The following MAIP1 variants were observed in gnomAD, a reference collection of about 807,000 sequenced individuals.
The protein encoded by MAIP1 is m-AAA protease-interacting protein 1, mitochondrial.
A neutral mutation model predicts 31.2 loss-of-function variants in MAIP1; 28 were observed. The observed-to-expected ratio is 0.90, with a 90% CI of 0.67 to 1.23. The LOEUF is 1.23. Ranked by LOEUF, MAIP1 falls within the 50% of genes most tolerant of loss-of-function variation. The pLI is 0.00. For synonymous variants in MAIP1, 142 were observed against 142.3 expected (o/e 1.00, Z 0.02); for missense variants, 339 against 356.0 (o/e 0.95, Z 0.38).
Position 199,955,684 on chromosome 2 carries a change from G to A in MAIP1, c.-115G>A. The A allele has an allele frequency of 1.7e-6, 2 of 1,177,944 alleles. No individual in the cohort carries two copies. Among genetic ancestry groups the A allele is most frequent in the Non-Finnish European group, 2.3e-6 (2 of 852,630 alleles). 73.0% of individuals were successfully genotyped at this position (1,177,944 alleles called of 1,614,324 possible). ...GGACGGGGCCGACTCACCAGAGGCT[G>A]CAGCAACAGGTCCACTTTGCTCTCC... On this transcript the variant is annotated 5_prime_UTR_variant, in exon 1 of 5. Transcript: ENST00000392290.
rs775450822 is a variant in MAIP1 at position 199,956,234 on chromosome 2, G to T, written c.436G>T (p.Glu146Ter). 3 of 1,611,850 alleles carry T rather than the reference G, an allele frequency of 1.9e-6. No individual in the cohort carries two copies. The South Asian group carries it at 3.3e-5, about 18-fold the overall frequency. ...AGAGTTCAGCATCACAGAGTTCTCC[G>T]AGGGAGCGAAGCAGGTTTGTTTATT... ...DKEFSITEFSEGAKQAFAHVS... is the reference protein window; with the variant it reads ...DKEFSITEFS The change falls in exon 1 of 5, where the codon GAG (glutamate) becomes TAG (stop). Residue 146 changes from glutamate to a stop codon, truncating the protein, a stop_gained. Coordinates refer to ENST00000392290, the MANE Select transcript of MAIP1 (RefSeq NM_001394955.1). LOFTEE classifies it high-confidence loss of function.
At chr2:199,960,838 A>G (rs1306696074) in intron 3 of MAIP1, among the ~76,000 whole-genome samples, 4 of 152,206 alleles carry the variant, frequency 2.6e-5, no homozygotes, top group Admixed American at 2.6e-4. Context: ...CTGCTTATAC[A>G]CTTCCCAAGA....
chr2:199,957,039 C>CTTTTTTTTTTTT, intron 1 of MAIP1, among the ~76,000 whole-genome samples: 1 of 129,832 alleles, frequency 7.7e-6, no homozygotes, highest in South Asian at 2.4e-4. Context: ...TGGGTACATG[C>CTTTTTTTTTTTT]TTTTTTTTTT....
Position 199,961,948 on chromosome 2 carries a change from A to G in MAIP1, c.797+20A>G, listed in dbSNP as rs772744792. The G allele has an allele frequency of 6.3e-7, 1 of 1,595,302 alleles. No individual in the cohort carries two copies. Among genetic ancestry groups the G allele is most frequent in the Non-Finnish European group, 8.6e-7 (1 of 1,169,194 alleles). ...CTATGAGTAAGTTTAATCAGATTTCATTGTTTCCTTTCTTCAGAAAATGGA... is the reference window on the plus strand; with the variant it reads ...CTATGAGTAAGTTTAATCAGATTTCGTTGTTTCCTTTCTTCAGAAAATGGA... On this transcript the variant is annotated intron_variant, in intron 4 of 4. Transcript: ENST00000392290.
intron 4 of MAIP1, among the ~76,000 whole-genome samples, chr2:199,962,418 G>T (rs546265453): frequency 1.3e-5 from 2 of 152,294 alleles, no homozygotes; most frequent in East Asian, 3.9e-4. Context: ...GGTAGTTTCA[G>T]ACTAGTCATA....
rs761030922 is a variant in MAIP1 at position 199,961,955 on chromosome 2, C to A, written c.797+27C>A. On this transcript the variant is annotated intron_variant, in intron 4 of 4. Coordinates refer to ENST00000392290, the MANE Select transcript of MAIP1 (RefSeq NM_001394955.1). ...TAAGTTTAATCAGATTTCATTGTTT[C>A]CTTTCTTCAGAAAATGGAAGGTAGT... 4.4e-6 allele frequency: 7 copies of A among 1,584,856 alleles called. 1 individual carries two copies. In the East Asian group the frequency reaches 1.6e-4, roughly 36 times the overall value.
rs1218011498 is a variant in MAIP1, at chr2:199,956,209, A to C, written c.411A>C (p.Lys137Asn). 6.2e-7 allele frequency: 1 copy of C among 1,613,942 alleles called. No individual in the cohort carries two copies. The highest frequency in any genetic ancestry group is 8.5e-7 in the Non-Finnish European group (1 of 1,179,922). ...TCCTTATCTGGGCCTATTTCGACAA[A>C]GAGTTCAGCATCACAGAGTTCTCCG... ...KAFLIWAYFD[K>N]EFSITEFSEG... Residue 137 changes from lysine to asparagine, a missense_variant, in exon 1 of 5, where the codon AAA (lysine) becomes AAC (asparagine). Coordinates refer to ENST00000392290, the MANE Select transcript of MAIP1 (RefSeq NM_001394955.1).
chr2:199,959,403 C>T, intron 2 of MAIP1, 64 bp downstream of exon 2: 2 of 917,952 alleles, frequency 2.2e-6, no homozygotes, highest in South Asian at 2.7e-5. Context: ...GAATGATGCA[C>T]ATTTTCCTTA....
At chr2:199,955,498 T>C (rs992937718), upstream of MAIP1, 1 of 1,610,624 alleles carries the variant, frequency 6.2e-7, no homozygotes. Context: ...CTCTTCCAGG[T>C]CTTCGGAACT....
At position 199,959,309 on chromosome 2, in the gene MAIP1, T is replaced by A; in HGVS notation, c.492T>A (p.Phe164Leu). 1 of 1,600,360 alleles carries A rather than the reference T, an allele frequency of 6.2e-7. No homozygotes were observed. Among genetic ancestry groups the A allele is most frequent in the Non-Finnish European group, 8.6e-7 (1 of 1,167,718 alleles). Residue 164 changes from phenylalanine to leucine, a missense_variant, in exon 2 of 5, where the codon TTT becomes TTA. Physicochemically the swap from Phe to Leu is conservative, Grantham distance 22. Transcript: ENST00000392290. ...HVSKLLSQCK[F>L]DLLEELVAKE... ...CCAAGTTGCTGTCACAGTGTAAATTTGATCTGTTGGAAGAACTTGTGGCCA... is the reference window on the plus strand; with the variant it reads ...CCAAGTTGCTGTCACAGTGTAAATTAGATCTGTTGGAAGAACTTGTGGCCA...
chr2:199,959,303 T>C lies in MAIP1; in HGVS notation c.486T>C (p.Cys162=), dbSNP rs1237095537. The C allele has an allele frequency of 1.2e-6, 2 of 1,601,378 alleles. No individual in the cohort carries two copies. Among genetic ancestry groups the C allele is most frequent in the Non-Finnish European group, 1.7e-6 (2 of 1,168,774 alleles). The change falls in exon 2 of 5, where the codon TGT becomes TGC. Residue 162 remains cysteine (C), a synonymous_variant. Coordinates refer to ENST00000392290, the MANE Select transcript of MAIP1 (RefSeq NM_001394955.1). ...FAHVSKLLSQ[C]KFDLLEELVA... ...ATGTATCCAAGTTGCTGTCACAGTG[T>C]AAATTTGATCTGTTGGAAGAACTTG...
intron 3 of MAIP1, 61 bp from the exon 4 acceptor site, chr2:199,961,720 T>G: frequency 6.8e-7 from 1 of 1,472,422 alleles, no homozygotes; most frequent in Non-Finnish European, 9.3e-7. Context: ...TCATTTTGTT[T>G]ATATGGATGA....
intron 3 of MAIP1, among the ~76,000 whole-genome samples, chr2:199,961,039 TG>T (rs755052847): frequency 5.9e-5 from 9 of 152,158 alleles, no homozygotes; most frequent in Non-Finnish European, 1.0e-4. Flanking sequence ...TAAGGTGAAT[TG>T]GGTAGAATAG....
intron 3 of MAIP1, among the ~76,000 whole-genome samples, chr2:199,960,331 A>C (rs939256206): frequency 6.6e-6 from 1 of 152,208 alleles, no homozygotes; most frequent in Non-Finnish European, 1.5e-5. Context: ...AATTGGATCT[A>C]TTTGAGAATA....
intron 1 of MAIP1, among the ~76,000 whole-genome samples, chr2:199,957,408 C>CA (rs2077613559): frequency 6.6e-6 from 1 of 152,018 alleles, no homozygotes; most frequent in East Asian, 1.9e-4. Flanking sequence ...CAAAAACAAA[C>CA]AAAAAAACCA....
At chr2:199,957,363 G>T (rs2077613077) in intron 1 of MAIP1, among the ~76,000 whole-genome samples, 1 of 152,222 alleles carries the variant, frequency 6.6e-6, no homozygotes, top group Non-Finnish European at 1.5e-5. Context: ...CTGCACTCCA[G>T]CCTGGGTGAC....
chr2:199,959,395 A>G (rs2077624401), intron 2 of MAIP1, 56 bp downstream of exon 2: 1 of 952,214 alleles, frequency 1.1e-6, no homozygotes, highest in Non-Finnish European at 1.7e-6. Context: ...TTGCAATAGA[A>G]TGATGCACAT....
chr2:199,956,105 C>T lies in MAIP1; in HGVS notation c.307C>T (p.Gln103Ter), dbSNP rs140070270. 1.7e-5 allele frequency: 27 copies of T among 1,614,086 alleles called. 1 individual carries two copies. The highest frequency in any genetic ancestry group is 2.3e-5 in the Non-Finnish European group (27 of 1,180,038). Reference sequence around the variant, plus strand: ...CAGCTACAGCACGGAGGAGAAGCCCCAGCAGCACCAGAAAACCAAGATGAT... The same window carrying T: ...CAGCTACAGCACGGAGGAGAAGCCCTAGCAGCACCAGAAAACCAAGATGAT... ...QRSYSTEEKP[Q>*]QHQKTKMIVL... The change falls in exon 1 of 5, where the codon CAG (glutamine) becomes TAG (stop). Residue 103 changes from glutamine to a stop codon, truncating the protein, a stop_gained. Transcript: ENST00000392290. LOFTEE classifies it high-confidence loss of function.
At chr2:199,955,432 G>T, upstream of MAIP1, 1 of 1,613,918 alleles carries the variant, frequency 6.2e-7, no homozygotes, top group Non-Finnish European at 8.5e-7. Flanking sequence ...CCCGAGAAAC[G>T]CCCTCCAGCC....
Sources: gnomAD v4.1 joint callset for allele counts (sites outside exome capture counted in the v4.1 genomes callset) on GRCh38, gnomAD v4.1.1 for gene constraint, MANE v1.5 for transcripts, NCBI Gene and HGNC (gene_info 2026-07-23, HGNC 2026-07-21) for gene names.